Variants in FMO2 observed in about 807,000 individuals in gnomAD.
FMO2 encodes flavin containing dimethylaniline monoxygenase 2.
A neutral mutation model predicts 41.6 loss-of-function variants in FMO2; 33 were observed. That is an observed-to-expected ratio of 0.79 (90% CI 0.60 to 1.06). FMO2 has a LOEUF of 1.06. Ranked by LOEUF, FMO2 falls within the 50% of genes least tolerant of loss-of-function variation. FMO2 has a pLI of 0.00. For missense variants in FMO2, 619 were observed against 632.9 expected, an observed-to-expected ratio of 0.98 and a Z score of 0.23; for synonymous variants, 214 against 219.6, an observed-to-expected ratio of 0.97 and a Z score of 0.23.
At chr1:171,199,540 C>T in intron 5 of FMO2, 52 bp downstream of exon 5, 1 of 1,537,002 alleles carries the variant, frequency 6.5e-7, no homozygotes, top group Non-Finnish European at 8.8e-7. Flanking sequence ...GTGGGGATGC[C>T]ATACTGGAGA....
chr1:171,200,648 T>C (rs1284821381), intron 5 of FMO2, among the ~76,000 whole-genome samples: 1 of 152,098 alleles, frequency 6.6e-6, no homozygotes, highest in African/African-American at 2.4e-5. Context: ...CATCTATCAG[T>C]CAGTTAGTTA....
At chr1:171,200,232 G>A (rs1571284558) in intron 5 of FMO2, among the ~76,000 whole-genome samples, 1 of 152,158 alleles carries the variant, frequency 6.6e-6, no homozygotes, top group Non-Finnish European at 1.5e-5. Context: ...TCTAACCACT[G>A]TCTTCTTTGC....
Position 171,203,879 on chromosome 1 carries a change from C to A in FMO2, c.642C>A (p.Thr214=), listed in dbSNP as rs756686045. Residue 214 remains threonine (T), a synonymous_variant, in exon 6 of 9, where the codon ACC becomes ACA. Coordinates refer to ENST00000209929, the MANE Select transcript of FMO2 (RefSeq NM_001460.5). The part of the protein sequence containing the change: ...SKNAAQVFIS[T]RHGTWVMSRI... Reference sequence around the variant, plus strand: ...TTGCTTGCCAGGTTTTTATCAGCACCAGGCATGGCACCTGGGTCATGAGCC... The same window carrying A: ...TTGCTTGCCAGGTTTTTATCAGCACAAGGCATGGCACCTGGGTCATGAGCC... 2 of 1,613,316 alleles carry A rather than the reference C, an allele frequency of 1.2e-6. No homozygotes were observed. Among genetic ancestry groups the A allele is most frequent in the Admixed American group, 1.7e-5 (1 of 59,914 alleles).
At chr1:171,186,111 A>G (rs1657837625) in intron 2 of FMO2, 2 of 267,590 alleles carry the variant, frequency 7.5e-6, no homozygotes, top group South Asian at 1.0e-4. Context: ...TACTTCTGTC[A>G]TTCTTTAATA....
intron 8 of FMO2, 60 bp downstream of exon 8, chr1:171,207,850 C>G: frequency 8.9e-7 from 1 of 1,129,938 alleles, no homozygotes; most frequent in Non-Finnish European, 1.3e-6. Flanking sequence ...AGTGATCTAA[C>G]TACTTACAAG....
intron 5 of FMO2, 153 bp downstream of exon 5, chr1:171,199,641 C>A: frequency 1.7e-6 from 1 of 600,352 alleles, no homozygotes; most frequent in Non-Finnish European, 2.8e-6. Context: ...AGTCAAGAAA[C>A]CACTTTACCT....
chr1:171,202,572 A>G (rs1043280681), intron 5 of FMO2, among the ~76,000 whole-genome samples: 2 of 152,214 alleles, frequency 1.3e-5, no homozygotes, highest in African/African-American at 4.8e-5. Context: ...AGTACTTTAT[A>G]TATACCACCT....
At position 171,205,302 on chromosome 1, in the gene FMO2, T is replaced by C. The variant is rs749613389; in HGVS notation, c.851T>C (p.Leu284Pro). The C allele has an allele frequency of 6.2e-7, 1 of 1,611,428 alleles. No individual in the cohort carries two copies. The highest frequency in any genetic ancestry group is 8.5e-7 in the Non-Finnish European group (1 of 1,178,086). ...QNKYIMKEPV[L>P]NDDVPSRLLC... ...AGATACATTATGAAGGAACCTGTACTAAATGATGATGTCCCAAGTCGTCTA... is the reference window on the plus strand; with the variant it reads ...AGATACATTATGAAGGAACCTGTACCAAATGATGATGTCCCAAGTCGTCTA... Residue 284 changes from leucine (L) to proline (P), a missense_variant, in exon 7 of 9, where the codon CTA (leucine) becomes CCA (proline). Physicochemically the swap from Leu to Pro is moderately conservative, Grantham distance 98. Coordinates refer to ENST00000209929, the MANE Select transcript of FMO2 (RefSeq NM_001460.5).
At chr1:171,198,104 A>G (rs1029553480) in intron 4 of FMO2, among the ~76,000 whole-genome samples, 8 of 152,246 alleles carry the variant, frequency 5.3e-5, no homozygotes, top group South Asian at 4.1e-4. Flanking sequence ...TTGAGAACCA[A>G]TAATCTAAAG....
Position 171,203,956 on chromosome 1 carries a change from G to A in FMO2, c.719G>A (p.Arg240His), listed in dbSNP as rs183698382. Residue 240 changes from arginine to histidine, a missense_variant, in exon 6 of 9, where the codon CGT (arginine) becomes CAT (histidine). Arg to His is a conservative substitution (Grantham distance 29). Coordinates refer to ENST00000209929, the MANE Select transcript of FMO2 (RefSeq NM_001460.5). ...PWDSVFHTRF[R>H]SMLRNVLPRT... ...GACTCAGTGTTCCACACCCGGTTTC[G>A]TTCTATGCTCCGCAATGTACTGCCA... 2.3e-5 allele frequency: 37 copies of A among 1,613,766 alleles called. No individual in the cohort carries two copies. The highest frequency in any genetic ancestry group is 5.0e-5 in the Admixed American group (3 of 59,954).
chr1:171,193,123 C>T (rs1008374054), intron 2 of FMO2, among the ~76,000 whole-genome samples: 1 of 152,092 alleles, frequency 6.6e-6, no homozygotes, highest in African/African-American at 2.4e-5. Flanking sequence ...TTACCCCTAC[C>T]CCTCACAGTG....
intron 3 of FMO2, among the ~76,000 whole-genome samples, chr1:171,196,393 AC>A (rs1326618536): frequency 6.6e-6 from 1 of 151,670 alleles, no homozygotes; most frequent in African/African-American, 2.4e-5. Flanking sequence ...CATCATGAGA[AC>A]CCGCTCTTTC....
intron 5 of FMO2, among the ~76,000 whole-genome samples, chr1:171,201,810 G>T (rs914568101): frequency 7.1e-6 from 1 of 141,630 alleles, no homozygotes; most frequent in Admixed American, 7.4e-5. Flanking sequence ...TTACGAGGCT[G>T]CAGGAGAAAG....
In FMO2 at chr1:171,185,864, G is replaced by A. The variant is rs368457007; in HGVS notation, c.132+19G>A. On this transcript the variant is annotated intron_variant, in intron 2 of 8. Coordinates refer to ENST00000209929, the MANE Select transcript of FMO2 (RefSeq NM_001460.5). ...GTTCAAAGTAAGTGAGATTTTCTTG[G>A]GTCTTGAACAGGTTGTGTTGTTATT... 35 of 1,612,222 alleles carry A rather than the reference G, an allele frequency of 2.2e-5. No homozygotes were observed. The African/African-American group carries it at 2.9e-4, about 14-fold the overall frequency.
rs182297586 is a variant in FMO2, at chr1:171,206,595, C to T, written c.1183+961C>T. On this transcript the variant is annotated intron_variant, in intron 7 of 8. Transcript: ENST00000209929. The stretch of plus-strand genomic sequence containing the variant: ...TACATATGAAAATCATCTGATGGAT[C>T]CTTAGGGACCCTGATTAAGTAAGAC... Among the ~76,000 whole-genome samples, 15 of 152,236 alleles carry T rather than the reference C, an allele frequency of 9.9e-5. No homozygotes were observed. The East Asian group carries it at 1.9e-3, about 20-fold the overall frequency.
In FMO2 at chr1:171,204,084, T is replaced by C. The variant is rs986245192; in HGVS notation, c.827+20T>C. 4 of 1,593,242 alleles carry C rather than the reference T, an allele frequency of 2.5e-6. No homozygotes were observed. The African/African-American group carries it at 4.0e-5, about 16-fold the overall frequency. Reference sequence around the variant, plus strand: ...AAACAAGTAGAGTTATTTTGCTTTTTTAATGGTATACTCGTTGGTGAGCAA... The same window carrying C: ...AAACAAGTAGAGTTATTTTGCTTTTCTAATGGTATACTCGTTGGTGAGCAA... On this transcript the variant is annotated intron_variant, in intron 6 of 8. Transcript: ENST00000209929.
In FMO2 at chr1:171,189,667, T is replaced by TC. The variant is rs1417021386; in HGVS notation, c.133-3668_133-3667insC. Among the ~76,000 whole-genome samples the TC allele has an allele frequency of 4.1e-5, 6 of 146,252 alleles. 1 individual carries two copies. Among genetic ancestry groups the TC allele is most frequent in the African/African-American group, 1.5e-4 (6 of 39,388 alleles). On this transcript the variant is annotated intron_variant, in intron 2 of 8. Coordinates refer to ENST00000209929, the MANE Select transcript of FMO2 (RefSeq NM_001460.5). ...CCCGTCTTTTTTCTTTTCTTTTTTT[T>TC]TTTTTTTTTGAGATGGAGTCTCGCT...
intron 1 of FMO2, 153 bp downstream of exon 1, chr1:171,185,512 A>G: frequency 7.9e-6 from 4 of 505,450 alleles, no homozygotes; most frequent in Non-Finnish European, 1.4e-5. Flanking sequence ...CAAGGTTTGC[A>G]ACAAAGTCCA....
chr1:171,205,303 A>G lies in FMO2; in HGVS notation c.852A>G (p.Leu284=), dbSNP rs768931155. ...QNKYIMKEPV[L]NDDVPSRLLC... ...GATACATTATGAAGGAACCTGTACT[A>G]AATGATGATGTCCCAAGTCGTCTAC... Residue 284 remains leucine, a synonymous_variant, in exon 7 of 9, where the codon CTA becomes CTG. Coordinates refer to ENST00000209929, the MANE Select transcript of FMO2 (RefSeq NM_001460.5). 6.2e-7 allele frequency: 1 copy of G among 1,611,580 alleles called. No individual in the cohort carries two copies. Among genetic ancestry groups the G allele is most frequent in the East Asian group, 2.2e-5 (1 of 44,838 alleles).
Sources: gnomAD v4.1 joint callset for allele counts (sites outside exome capture counted in the v4.1 genomes callset) on GRCh38, gnomAD v4.1.1 for gene constraint, MANE v1.5 for transcripts, NCBI Gene and HGNC (gene_info 2026-07-23, HGNC 2026-07-21) for gene names.